Variants in TMPRSS3 observed in about 807,000 individuals in gnomAD.
TMPRSS3 encodes transmembrane serine protease 3.
A neutral mutation model predicts 59.6 loss-of-function variants in TMPRSS3; 55 were observed. That is an observed-to-expected ratio of 0.92 (90% confidence interval 0.74 to 1.16). TMPRSS3 has a LOEUF of 1.16. TMPRSS3 is among the 50% of genes most tolerant of loss of function. The pLI is 0.00. For missense variants in TMPRSS3, 596 were observed against 579.4 expected (o/e 1.03, Z -0.29); for synonymous variants, 257 against 237.7 (o/e 1.08, Z -0.75).
At chr21:42,383,718 G>A (rs553141021) in intron 7 of TMPRSS3, 3 of 690,916 alleles carry the variant, frequency 4.3e-6, no homozygotes, top group Admixed American at 4.1e-5. Flanking sequence ...AGAGTGATGG[G>A]ACATCATGGG....
intron 8 of TMPRSS3, 41 bp from the exon 9 acceptor site, chr21:42,382,275 C>A: frequency 6.3e-7 from 1 of 1,579,402 alleles, no homozygotes; most frequent in South Asian, 1.1e-5. Flanking sequence ...AGGAAAAGTC[C>A]AACCACTGAA....
chr21:42,390,401 G>GCCCA (rs1568890543), intron 2 of TMPRSS3: 2 of 288,620 alleles, frequency 6.9e-6, no homozygotes, highest in Admixed American at 4.5e-5. Flanking sequence ...ATTAGGGTGG[G>GCCCA]CCCTAATCCA....
At chr21:42,394,721 G>A (rs961193951) in intron 2 of TMPRSS3, among the ~76,000 whole-genome samples, 3 of 152,096 alleles carry the variant, frequency 2.0e-5, no homozygotes, top group East Asian at 3.8e-4. Flanking sequence ...ATCTGCCTGC[G>A]TCCAAGCCCT....
In TMPRSS3 at chr21:42,376,669, C is replaced by G. The variant is rs1462080903; in HGVS notation, c.1063G>C (p.Val355Leu). 2 of 1,613,932 alleles carry G rather than the reference C, an allele frequency of 1.2e-6. No individual in the cohort carries two copies. Among genetic ancestry groups the G allele is most frequent in the Admixed American group, 1.7e-5 (1 of 60,008 alleles). The change falls in exon 11 of 13, where the codon GTC becomes CTC. Residue 355 changes from valine (V) to leucine (L), a missense_variant. By Grantham distance (32) the Val-to-Leu change is conservative. Transcript: ENST00000644384. Reference sequence around the variant, plus strand: ...AAAGGGACGGCCGCGTGGTTCAGGACAGGGGAGGCGTCACCTGCTTCAAAG... The same window carrying G: ...AAAGGGACGGCCGCGTGGTTCAGGAGAGGGGAGGCGTCACCTGCTTCAAAG... ...ATEDGGDASP[V>L]LNHAAVPLIS... is the part of the protein sequence containing the mutation.
chr21:42,395,281 G>T, intron 2 of TMPRSS3, 43 bp downstream of exon 2: 1 of 1,527,968 alleles, frequency 6.5e-7, no homozygotes, highest in Non-Finnish European at 9.1e-7. Context: ...CCTACATGAG[G>T]GTATGGGCAG....
At chr21:42,376,998 C>T (rs1406007958) in intron 10 of TMPRSS3, among the ~76,000 whole-genome samples, 3 of 152,166 alleles carry the variant, frequency 2.0e-5, no homozygotes, top group Non-Finnish European at 4.4e-5. Flanking sequence ...AGACACCTCC[C>T]CAGGGCACCA....
chr21:42,384,244 G>A (rs1455044003), intron 6 of TMPRSS3, among the ~76,000 whole-genome samples: 1 of 151,906 alleles, frequency 6.6e-6, no homozygotes, highest in Non-Finnish European at 1.5e-5. Context: ...ACAACAGGCC[G>A]TTCTGTATTT....
intron 12 of TMPRSS3, 107 bp downstream of exon 12, chr21:42,375,609 A>C: frequency 6.9e-7 from 1 of 1,447,516 alleles, no homozygotes; most frequent in East Asian, 2.3e-5. Flanking sequence ...TGAATTGACA[A>C]CCACTGGGTC....
intron 2 of TMPRSS3, among the ~76,000 whole-genome samples, chr21:42,392,154 G>A (rs370641694): frequency 2.0e-4 from 30 of 152,192 alleles, no homozygotes; most frequent in African/African-American, 6.5e-4. Context: ...ATGTTGAGCC[G>A]AGAGCTCTGT....
intron 11 of TMPRSS3, 104 bp downstream of exon 11, chr21:42,376,437 C>T: frequency 1.3e-6 from 2 of 1,519,976 alleles, no homozygotes; most frequent in Non-Finnish European, 1.8e-6. Context: ...TCTCCACGCC[C>T]TGTAAATTTA....
chr21:42,379,245 C>G (rs1473801160), intron 10 of TMPRSS3, among the ~76,000 whole-genome samples: 1 of 151,096 alleles, frequency 6.6e-6, no homozygotes, highest in Non-Finnish European at 1.5e-5. Context: ...CCAGGCTGGT[C>G]TCAAACTCCT....
intron 2 of TMPRSS3, among the ~76,000 whole-genome samples, chr21:42,391,010 T>C (rs2052725905): frequency 6.6e-6 from 1 of 152,050 alleles, no homozygotes. Context: ...TAAATTCCTG[T>C]TGTTTTAAGT....
At chr21:42,387,209 G>A (rs2052649760) in intron 5 of TMPRSS3, among the ~76,000 whole-genome samples, 1 of 152,134 alleles carries the variant, frequency 6.6e-6, no homozygotes, top group African/African-American at 2.4e-5. Context: ...AGAGCAGAGA[G>A]GCCTTGGGGT....
At chr21:42,390,171 T>C (rs2052712056) in intron 2 of TMPRSS3, 134 bp from the exon 3 acceptor site, 1 of 747,384 alleles carries the variant, frequency 1.3e-6, no homozygotes, top group African/African-American at 1.7e-5. Context: ...GTGCCTTAAT[T>C]AGGGAAAGGG....
At chr21:42,382,925 A>G (rs2146435868) in intron 8 of TMPRSS3, 108 bp downstream of exon 8, 1 of 1,318,282 alleles carries the variant, frequency 7.6e-7, no homozygotes, top group Non-Finnish European at 1.1e-6. Flanking sequence ...CTTGGAGGTT[A>G]GTCTCTCTGT....
Position 42,383,004 on chromosome 21 carries a change from G to C in TMPRSS3, c.782+29C>G, listed in dbSNP as rs766301715. Reference sequence around the variant, plus strand: ...CTGACATGACCCAGGAGTGAACAGGGGTCTGGGAAGATGGTCAGCAGCACT... The same window carrying C: ...CTGACATGACCCAGGAGTGAACAGGCGTCTGGGAAGATGGTCAGCAGCACT... On this transcript the variant is annotated intron_variant, in intron 8 of 12. Coordinates refer to ENST00000644384, the MANE Select transcript of TMPRSS3 (RefSeq NM_001256317.3). The C allele has an allele frequency of 6.9e-5, 111 of 1,613,260 alleles. 1 individual carries two copies. The highest frequency in any genetic ancestry group is 1.6e-4 in the Middle Eastern group (1 of 6,078).
rs371448615 is a variant in TMPRSS3, at chr21:42,376,606, C to T, written c.1126G>A (p.Gly376Ser). 134 of 1,614,032 alleles carry T rather than the reference C, an allele frequency of 8.3e-5. No homozygotes were observed. The highest frequency in any genetic ancestry group is 3.3e-4 in the Middle Eastern group (2 of 6,056). Residue 376 changes from glycine to serine, a missense_variant, in exon 11 of 13, where the codon GGT (glycine) becomes AGT (serine). By Grantham distance (56) the Gly-to-Ser change is moderately conservative (BLOSUM62 0). Coordinates refer to ENST00000644384, the MANE Select transcript of TMPRSS3 (RefSeq NM_001256317.3). The part of the protein sequence containing the change: ...NKICNHRDVY[G>S]GIISPSMLCA... ...AGCATGGAGGGGGAGATGATGCCAC[C>T]GTACACGTCCCTGTGGTTGCAGATC...
chr21:42,387,160 G>A (rs2052648479), intron 5 of TMPRSS3, among the ~76,000 whole-genome samples: 1 of 152,178 alleles, frequency 6.6e-6, no homozygotes. Flanking sequence ...TCTGCTGGGT[G>A]GGGAAGGAGA....
At chr21:42,385,748 G>A (rs551745735) in intron 5 of TMPRSS3, among the ~76,000 whole-genome samples, 60 of 152,254 alleles carry the variant, frequency 3.9e-4, no homozygotes, top group African/African-American at 1.1e-3. Flanking sequence ...GATGACCCCC[G>A]CTTCTGGCCT....
Sources: allele counts gnomAD v4.1 joint callset (sites outside exome capture counted in the v4.1 genomes callset), GRCh38; gene constraint gnomAD v4.1.1; transcripts MANE v1.5; gene names NCBI Gene and HGNC (gene_info 2026-07-23, HGNC 2026-07-21).